PRKCA: variants seen among roughly 807,000 people sequenced by gnomAD.
PRKCA encodes the protein protein kinase C alpha, also known as protein kinase C alpha type.
In PRKCA, 27 loss-of-function variants were observed where a neutral mutation model predicts 87.0. The ratio of observed to expected loss-of-function variants is 0.31; its 90% CI spans 0.23 to 0.43. PRKCA has a LOEUF of 0.43. PRKCA is among the 20% of genes least tolerant of loss of function. The pLI is 1.00. For synonymous variants in PRKCA, 329 were observed against 311.1 expected (o/e 1.06, Z -0.61); for missense variants, 518 against 852.3 (o/e 0.61, Z 4.88).
intron 2 of PRKCA, among the ~76,000 whole-genome samples, chr17:66,407,816 C>G (rs1911506287): frequency 6.6e-6 from 1 of 152,092 alleles, no homozygotes; most frequent in Non-Finnish European, 1.5e-5. Flanking sequence ...GATTTTCTAA[C>G]TTGCCAAGGA....
intron 2 of PRKCA, among the ~76,000 whole-genome samples, chr17:66,349,679 C>T (rs943177648): frequency 1.2e-4 from 19 of 152,112 alleles, no homozygotes; most frequent in Admixed American, 6.5e-5. Flanking sequence ...ATTCTCACAT[C>T]TCCTCTGGGC....
At chr17:66,696,805 G>A (rs1972933806) in intron 8 of PRKCA, among the ~76,000 whole-genome samples, 1 of 152,180 alleles carries the variant, frequency 6.6e-6, no homozygotes, top group South Asian at 2.1e-4. Context: ...AGGCTTCCCA[G>A]TTCATCTCTG....
At chr17:66,453,307 CCTTTTTTTCTTT>C (rs1263379631) in intron 2 of PRKCA, among the ~76,000 whole-genome samples, 1 of 151,786 alleles carries the variant, frequency 6.6e-6, no homozygotes, top group Non-Finnish European at 1.5e-5. Flanking sequence ...GTCCCGTGAT[CCTTTTTTTCTTT>C]TTTTTTTTCT....
intron 3 of PRKCA, among the ~76,000 whole-genome samples, chr17:66,605,547 C>A (rs1970179877): frequency 6.6e-6 from 1 of 152,186 alleles, no homozygotes. Context: ...ATTTGGCAGT[C>A]ACTCAAAAAG....
At chr17:66,498,025 A>C (rs1266774212) in intron 3 of PRKCA, among the ~76,000 whole-genome samples, 1 of 152,076 alleles carries the variant, frequency 6.6e-6, no homozygotes, top group African/African-American at 2.4e-5. Flanking sequence ...CTCAGGCGTC[A>C]CCTTGTTTTA....
intron 2 of PRKCA, among the ~76,000 whole-genome samples, chr17:66,492,093 AG>A (rs1916271411): frequency 6.6e-6 from 1 of 152,192 alleles, no homozygotes; most frequent in Non-Finnish European, 1.5e-5. Context: ...GTAGGCTTAG[AG>A]GGCTCTTTAT....
chr17:66,401,817 A>C (rs1392039039), intron 2 of PRKCA, among the ~76,000 whole-genome samples: 1 of 152,204 alleles, frequency 6.6e-6, no homozygotes, highest in African/African-American at 2.4e-5. Context: ...TAGGAATATA[A>C]GAATAGACAC....
rs780223697 is a variant in PRKCA at position 66,804,126 on chromosome 17, G to A, written c.*89G>A. The A allele has an allele frequency of 3.6e-5, 54 of 1,504,086 alleles. No individual in the cohort carries two copies. Among genetic ancestry groups the A allele is most frequent in the Non-Finnish European group, 3.9e-5 (44 of 1,124,114 alleles). The allele number at this position is 1,504,086 out of a possible 1,614,324, so 93.2% of individuals were successfully genotyped here. A position where few individuals can be genotyped will look rare whatever the true frequency, so the allele number is the denominator to read the frequency against. ...CTTAACCCTAAAATTTTAAGGCCAC[G>A]GCCTTGTGTCTGATTCCATATGGAG... On this transcript the variant is annotated 3_prime_UTR_variant, in exon 17 of 17. Coordinates refer to ENST00000413366, the MANE Select transcript of PRKCA (RefSeq NM_002737.3).
intron 2 of PRKCA, among the ~76,000 whole-genome samples, chr17:66,335,001 C>G (rs1041730891): frequency 6.6e-5 from 10 of 152,112 alleles, no homozygotes; most frequent in Non-Finnish European, 1.0e-4. Context: ...GAGCCAATAA[C>G]AAAAGGACAA....
chr17:66,763,859 C>G (rs908334347), intron 13 of PRKCA, among the ~76,000 whole-genome samples: 2 of 152,068 alleles, frequency 1.3e-5, no homozygotes, highest in Admixed American at 1.3e-4. Context: ...TCCGTGGGTT[C>G]CTTCAAGAAA....
intron 2 of PRKCA, among the ~76,000 whole-genome samples, chr17:66,495,068 C>T (rs1310302486): frequency 6.7e-6 from 1 of 148,736 alleles, no homozygotes; most frequent in African/African-American, 2.5e-5. Flanking sequence ...CCCCACTGCA[C>T]TCCAGCCTCG....
intron 2 of PRKCA, among the ~76,000 whole-genome samples, chr17:66,466,802 C>A (rs955192514): frequency 6.6e-6 from 1 of 151,762 alleles, no homozygotes; most frequent in Non-Finnish European, 1.5e-5. Context: ...CTTTAACCTG[C>A]GAATTCCTTC....
At chr17:66,612,375 CTG>C in intron 3 of PRKCA, among the ~76,000 whole-genome samples, 1 of 97,474 alleles carries the variant, frequency 1.0e-5, no homozygotes, top group East Asian at 3.0e-4. Flanking sequence ...GAGCGAAAAT[CTG>C]TCTCAAAAAA....
intron 3 of PRKCA, among the ~76,000 whole-genome samples, chr17:66,553,007 A>G (rs1482004761): frequency 3.3e-5 from 5 of 150,850 alleles, no homozygotes; most frequent in Admixed American, 3.3e-4. Flanking sequence ...TTTGAGACAG[A>G]GTCTCACTCT....
intron 3 of PRKCA, among the ~76,000 whole-genome samples, chr17:66,615,811 T>G (rs1369009655): frequency 6.6e-6 from 1 of 152,034 alleles, no homozygotes; most frequent in African/African-American, 2.4e-5. Context: ...TCTGCTGGCA[T>G]TGAACATAAG....
intron 3 of PRKCA, among the ~76,000 whole-genome samples, chr17:66,608,881 G>T (rs1188004741): frequency 6.6e-6 from 1 of 152,174 alleles, no homozygotes; most frequent in African/African-American, 2.4e-5. Flanking sequence ...ATAATGAAAA[G>T]ACTTTTAAAA....
chr17:66,549,583 C>T (rs972127697), intron 3 of PRKCA, among the ~76,000 whole-genome samples: 1 of 152,140 alleles, frequency 6.6e-6, no homozygotes, highest in Non-Finnish European at 1.5e-5. Context: ...GGGGCAGAAA[C>T]CACAGATTTC....
chr17:66,524,510 TAC>T (rs1491181834), intron 3 of PRKCA, among the ~76,000 whole-genome samples: 1 of 152,228 alleles, frequency 6.6e-6, no homozygotes, highest in Non-Finnish European at 1.5e-5. Flanking sequence ...GACCCATATG[TAC>T]AGTTAGTACT....
At position 66,803,994 on chromosome 17, in the gene PRKCA, T is replaced by C. The variant is rs753589948; in HGVS notation, c.1976T>C (p.Val659Ala). The change falls in exon 17 of 17, where the codon GTC becomes GCC. Residue 659 changes from valine (V) to alanine (A), a missense_variant. By Grantham distance (64) the Val-to-Ala change is moderately conservative. Transcript: ENST00000413366. This position sits in a 1 kb window ranked among gnomAD's most constrained non-coding sequence, Gnocchi z 4.4. Reference sequence around the variant, plus strand: ...TCTGATTTTGAAGGGTTCTCGTATGTCAACCCCCAGTTTGTGCACCCCATC... The same window carrying C: ...TCTGATTTTGAAGGGTTCTCGTATGCCAACCCCCAGTTTGTGCACCCCATC... ...DQSDFEGFSYVNPQFVHPILQ... is the reference protein window; with the variant it reads ...DQSDFEGFSYANPQFVHPILQ... 4 of 1,613,950 alleles carry C rather than the reference T, an allele frequency of 2.5e-6. No individual in the cohort carries two copies. The highest frequency in any genetic ancestry group is 1.1e-5 in the South Asian group (1 of 91,078).
Sources: gnomAD v4.1 joint callset for allele counts (sites outside exome capture counted in the v4.1 genomes callset) on GRCh38, gnomAD v4.1.1 for gene constraint, Gnocchi (gnomAD v3.1) non-coding constraint, MANE v1.5 for transcripts, NCBI Gene and HGNC (gene_info 2026-07-23, HGNC 2026-07-21) for gene names.